Variants in MDGA2 observed in about 807,000 individuals in gnomAD.
MDGA2 encodes the protein MAM domain-containing glycosylphosphatidylinositol anchor protein 2.
A neutral mutation model predicts 117.8 loss-of-function variants in MDGA2; 40 were observed. The observed-to-expected ratio is 0.34, with a 90% CI of 0.26 to 0.44. MDGA2 has a LOEUF of 0.44. MDGA2 is among the 20% of genes least tolerant of loss of function. MDGA2 has a pLI of 1.00. For synonymous variants in MDGA2, 452 were observed against 439.0 expected (o/e 1.03, Z -0.37); for missense variants, 1,123 against 1,250.6 (o/e 0.90, Z 1.54).
chr14:46,950,442 C>T (rs1338983337), intron 9 of MDGA2, among the ~76,000 whole-genome samples: 4 of 152,008 alleles, frequency 2.6e-5, no homozygotes, highest in Admixed American at 6.6e-5. Context: ...TGTATGGAAT[C>T]ACTTCGTATA....
chr14:47,665,581 T>C (rs1897930996), intron 1 of MDGA2, among the ~76,000 whole-genome samples: 1 of 152,114 alleles, frequency 6.6e-6, no homozygotes, highest in East Asian at 1.9e-4. Context: ...GTGGGCCAGC[T>C]GGAGTTCCGG....
intron 1 of MDGA2, among the ~76,000 whole-genome samples, chr14:47,354,751 T>C (rs1180159039): frequency 6.6e-6 from 1 of 152,202 alleles, no homozygotes; most frequent in Non-Finnish European, 1.5e-5. Context: ...ACAAACCCTG[T>C]CTTTGGCTGG....
At chr14:47,510,922 C>T (rs1470659272) in intron 1 of MDGA2, among the ~76,000 whole-genome samples, 1 of 140,678 alleles carries the variant, frequency 7.1e-6, no homozygotes, top group Non-Finnish European at 1.6e-5. Context: ...AATGTTTTTT[C>T]TTTGGTACAG....
chr14:47,273,267 A>C (rs147896758), intron 2 of MDGA2, among the ~76,000 whole-genome samples: 84 of 152,270 alleles, frequency 5.5e-4, no homozygotes, highest in African/African-American at 2.0e-3. Flanking sequence ...AATTCGTGTC[A>C]AATTATATTC....
intron 10 of MDGA2, among the ~76,000 whole-genome samples, chr14:46,890,422 C>G (rs180870188): frequency 4.5e-3 from 679 of 152,192 alleles, no homozygotes; most frequent in African/African-American, 0.015. Flanking sequence ...ACTTATATAG[C>G]AAACTACTTT....
At chr14:47,021,471 T>C (rs1431904231) in intron 8 of MDGA2, among the ~76,000 whole-genome samples, 2 of 152,194 alleles carry the variant, frequency 1.3e-5, no homozygotes. Context: ...TTTCTCTAGA[T>C]GCAACAAAGC....
intron 2 of MDGA2, among the ~76,000 whole-genome samples, chr14:47,224,534 T>C (rs955076286): frequency 1.3e-5 from 2 of 152,168 alleles, no homozygotes; most frequent in African/African-American, 4.8e-5. Flanking sequence ...TGAATGAGGA[T>C]TTGTACACTG....
chr14:47,168,300 A>AAC (rs1189677369), intron 3 of MDGA2, among the ~76,000 whole-genome samples: 4 of 151,624 alleles, frequency 2.6e-5, no homozygotes, highest in Admixed American at 1.3e-4. Flanking sequence ...AAAAAAAAAA[A>AAC]AAAAACCTTA....
rs115645819 is a variant in MDGA2, at chr14:47,649,246, A to C, written c.280+25271T>G. On this transcript the variant is annotated intron_variant, in intron 1 of 16. Transcript: ENST00000399232. ...TGGAAAACTTTCTTACTGTTCTATTATTTAGAGACTGTAGCAACTGCTTAA... is the reference window on the plus strand; with the variant it reads ...TGGAAAACTTTCTTACTGTTCTATTCTTTAGAGACTGTAGCAACTGCTTAA... Among the ~76,000 whole-genome samples, 179 of 152,292 alleles carry C rather than the reference A, an allele frequency of 1.2e-3. 2 individuals carry two copies. Among genetic ancestry groups the C allele is most frequent in the African/African-American group, 4.1e-3 (172 of 41,566 alleles).
At chr14:46,854,347 T>C (rs1306528536) in intron 15 of MDGA2, among the ~76,000 whole-genome samples, 1 of 151,506 alleles carries the variant, frequency 6.6e-6, no homozygotes, top group Non-Finnish European at 1.5e-5. Flanking sequence ...TGGATATGTA[T>C]ATATTTATAT....
intron 1 of MDGA2, among the ~76,000 whole-genome samples, chr14:47,674,096 G>A (rs981855267): frequency 6.6e-6 from 1 of 151,848 alleles, no homozygotes; most frequent in Non-Finnish European, 1.5e-5. Flanking sequence ...AGGAGGAGGC[G>A]GCGGGGGCGG....
intron 7 of MDGA2, among the ~76,000 whole-genome samples, chr14:47,053,521 A>G (rs1306560114): frequency 6.6e-6 from 1 of 150,650 alleles, no homozygotes; most frequent in East Asian, 2.0e-4. Context: ...AAGCAAAACA[A>G]CATACTTAAA....
Position 46,840,617 on chromosome 14 carries a change from G to A in MDGA2, c.*1314C>T, listed in dbSNP as rs1283845334. On this transcript the variant is annotated 3_prime_UTR_variant, in exon 17 of 17. Transcript: ENST00000399232. Reference sequence around the variant, plus strand: ...AGGGCAGAGGCATATTACCCTCAGAGTTTAGAATAAAGCCAGATTTTTCAG... The same window carrying A: ...AGGGCAGAGGCATATTACCCTCAGAATTTAGAATAAAGCCAGATTTTTCAG... 6.6e-6 allele frequency: 1 copy of A among 152,524 alleles called. No individual in the cohort carries two copies. The highest frequency in any genetic ancestry group is 1.5e-5 in the Non-Finnish European group (1 of 67,994). 9.4% of individuals were successfully genotyped at this position (152,524 alleles called of 1,614,324 possible).
intron 1 of MDGA2, among the ~76,000 whole-genome samples, chr14:47,347,808 T>C (rs576623970): frequency 4.6e-5 from 7 of 152,224 alleles, no homozygotes; most frequent in African/African-American, 1.7e-4. Flanking sequence ...TATGTAAAAA[T>C]GGACAAATTC....
At position 47,674,799 on chromosome 14, in the gene MDGA2, ACACACACACT is replaced by A. The variant is rs780060853; in HGVS notation, c.-13_-4del. 4.0e-4 allele frequency: 273 copies of A among 674,822 alleles called. No homozygotes were observed. Among genetic ancestry groups the A allele is most frequent in the Non-Finnish European group, 5.2e-4 (195 of 375,372 alleles). 41.8% of individuals were successfully genotyped at this position (674,822 alleles called of 1,614,324 possible). On this transcript the variant is annotated 5_prime_UTR_variant, in exon 1 of 17. Coordinates refer to ENST00000399232, the MANE Select transcript of MDGA2 (RefSeq NM_001113498.3). ...AGCCCCGCACTCCACACACTCATGC[ACACACACACT>A]CACACACACTCACACACTCTCCCAC...
At chr14:47,629,934 C>A (rs1352651534) in intron 1 of MDGA2, among the ~76,000 whole-genome samples, 1 of 152,100 alleles carries the variant, frequency 6.6e-6, no homozygotes, top group Non-Finnish European at 1.5e-5. Context: ...TGAGATTCTG[C>A]ATGTCCAATA....
At chr14:47,363,852 T>C (rs1474676546) in intron 1 of MDGA2, among the ~76,000 whole-genome samples, 1 of 152,174 alleles carries the variant, frequency 6.6e-6, no homozygotes, top group Non-Finnish European at 1.5e-5. Flanking sequence ...AGAGTATTTC[T>C]AGATAGCATC....
rs539899725 is a variant in MDGA2 at position 47,507,455 on chromosome 14, T to C, written c.280+167062A>G. Among the ~76,000 whole-genome samples the C allele has an allele frequency of 6.6e-5, 10 of 152,292 alleles. No individual in the cohort carries two copies. In the South Asian group the frequency reaches 8.3e-4, roughly 13 times the overall value. On this transcript the variant is annotated intron_variant, in intron 1 of 16. Coordinates refer to ENST00000399232, the MANE Select transcript of MDGA2 (RefSeq NM_001113498.3). The stretch of plus-strand genomic sequence containing the variant: ...AAAATAAGCTCAATGTAATATCAAT[T>C]GTAAAGAGTGTACAAAACAGACCAG...
At chr14:47,510,901 A>T (rs1001981277) in intron 1 of MDGA2, among the ~76,000 whole-genome samples, 1 of 152,174 alleles carries the variant, frequency 6.6e-6, no homozygotes, top group Non-Finnish European at 1.5e-5. Context: ...CATAGTGTGG[A>T]TCTCAGCTCA....
Sources: gnomAD v4.1 joint callset for allele counts (sites outside exome capture counted in the v4.1 genomes callset) on GRCh38, gnomAD v4.1.1 for gene constraint, MANE v1.5 for transcripts, NCBI Gene and HGNC (gene_info 2026-07-23, HGNC 2026-07-21) for gene names.